PRMT3: variants seen among roughly 807,000 people sequenced by gnomAD.
PRMT3 encodes the protein protein arginine N-methyltransferase 3.
In PRMT3, 62 loss-of-function variants were observed where a neutral mutation model predicts 71.9. The ratio of observed to expected loss-of-function variants is 0.86; its 90% CI spans 0.70 to 1.07. PRMT3 has a LOEUF of 1.07. PRMT3 is among the 50% of genes least tolerant of loss of function. PRMT3 has a pLI of 0.00. For synonymous variants in PRMT3, 213 were observed against 220.4 expected (o/e 0.97, Z 0.30); for missense variants, 663 against 643.0 (o/e 1.03, Z -0.34).
At chr11:20,440,249 G>A (rs1176700790) in intron 10 of PRMT3, among the ~76,000 whole-genome samples, 8 of 152,152 alleles carry the variant, frequency 5.3e-5, no homozygotes, top group Non-Finnish European at 1.0e-4. Context: ...CCAGCAGTTT[G>A]ATTGGCTGAG....
Position 20,504,719 on chromosome 11 carries a change from A to T in PRMT3, c.1487-3585A>T, listed in dbSNP as rs938337454. ...GTGTGTGTGTGTGTGAGAGAGAGAG[A>T]GAGAGAGAGAGAGAGAGAGAGAGAG... On this transcript the variant is annotated intron_variant, in intron 15 of 15. Coordinates refer to ENST00000331079, the MANE Select transcript of PRMT3 (RefSeq NM_005788.4). 2.5e-3 allele frequency among the ~76,000 whole-genome samples: 372 copies of T among 148,728 alleles called. 1 individual carries two copies. Among genetic ancestry groups the T allele is most frequent in the African/African-American group, 5.6e-3 (227 of 40,436 alleles).
At chr11:20,407,780 C>G in intron 8 of PRMT3, 131 bp from the exon 9 acceptor site, 3 of 920,052 alleles carry the variant, frequency 3.3e-6, no homozygotes, top group Non-Finnish European at 4.7e-6. Flanking sequence ...TGAGCCACCG[C>G]GCCTGGCCAG....
chr11:20,478,677 G>C (rs1850856233), intron 13 of PRMT3, among the ~76,000 whole-genome samples: 1 of 152,018 alleles, frequency 6.6e-6, no homozygotes, highest in Admixed American at 6.6e-5. Context: ...ACTTTAAAAT[G>C]TTTACAGTTC....
intron 10 of PRMT3, 124 bp from the exon 11 acceptor site, chr11:20,452,006 T>C: frequency 1.7e-6 from 1 of 597,562 alleles, no homozygotes; most frequent in South Asian, 5.3e-5. Context: ...TGCAGAATAT[T>C]ATTACATCTG....
intron 15 of PRMT3, among the ~76,000 whole-genome samples, chr11:20,498,715 G>A (rs901982273): frequency 3.9e-5 from 6 of 152,128 alleles, no homozygotes; most frequent in Admixed American, 3.9e-4. Context: ...GGGCAACAGA[G>A]CAAGACTCTG....
At chr11:20,439,580 A>G (rs541339455) in intron 10 of PRMT3, among the ~76,000 whole-genome samples, 8 of 152,328 alleles carry the variant, frequency 5.3e-5, no homozygotes, top group South Asian at 4.1e-4. Context: ...ACCAATTTTA[A>G]TGTACATTGC....
chr11:20,472,834 A>AATCT (rs1368637931), intron 13 of PRMT3, among the ~76,000 whole-genome samples: 1 of 127,978 alleles, frequency 7.8e-6, no homozygotes, highest in African/African-American at 3.1e-5. Context: ...TTAAGCTGTG[A>AATCT]ATCTATCTGG....
chr11:20,419,579 A>G (rs925573323), intron 9 of PRMT3, among the ~76,000 whole-genome samples: 3 of 152,104 alleles, frequency 2.0e-5, no homozygotes, highest in African/African-American at 7.2e-5. Context: ...TAGGTTATAG[A>G]GGGTATATTT....
At chr11:20,427,016 T>C (rs573367292) in intron 10 of PRMT3, 151 bp downstream of exon 10, 2 of 1,189,852 alleles carry the variant, frequency 1.7e-6, no homozygotes, top group Non-Finnish European at 2.2e-6. Context: ...ATGTGTAATT[T>C]AAAAAAATAG....
At chr11:20,459,540 G>C (rs1452124210) in intron 11 of PRMT3, among the ~76,000 whole-genome samples, 1 of 152,202 alleles carries the variant, frequency 6.6e-6, no homozygotes, top group Admixed American at 6.5e-5. Flanking sequence ...GCAGAAAGCA[G>C]TAGTTTCAAC....
intron 15 of PRMT3, among the ~76,000 whole-genome samples, chr11:20,501,655 G>C (rs72936045): frequency 6.6e-6 from 1 of 152,056 alleles, no homozygotes; most frequent in South Asian, 2.1e-4. Context: ...GTGTCCAGAA[G>C]GTAATATGAC....
intron 13 of PRMT3, among the ~76,000 whole-genome samples, chr11:20,466,110 T>G (rs1850505439): frequency 6.6e-6 from 1 of 152,256 alleles, no homozygotes; most frequent in East Asian, 1.9e-4. Flanking sequence ...TAGAAAAGTT[T>G]ATTGACTTTC....
At chr11:20,453,086 A>ATT (rs1170908031) in intron 11 of PRMT3, among the ~76,000 whole-genome samples, 93 of 152,274 alleles carry the variant, frequency 6.1e-4, no homozygotes, top group African/African-American at 2.1e-3. Flanking sequence ...GTCACATGAA[A>ATT]GGGGCAGGCA....
chr11:20,389,996 C>A (rs1848678238), intron 3 of PRMT3, among the ~76,000 whole-genome samples, 170 bp downstream of exon 3: 1 of 152,058 alleles, frequency 6.6e-6, no homozygotes, highest in African/African-American at 2.4e-5. Flanking sequence ...TACTAAAATA[C>A]AAAAGTTATC....
intron 2 of PRMT3, 41 bp from the exon 3 acceptor site, chr11:20,389,703 C>T: frequency 7.2e-7 from 1 of 1,395,564 alleles, no homozygotes; most frequent in Non-Finnish European, 1.0e-6. Flanking sequence ...ATTTAGACTT[C>T]TTAGGGGACT....
intron 10 of PRMT3, among the ~76,000 whole-genome samples, chr11:20,449,903 C>T (rs1305597849): frequency 6.6e-6 from 1 of 151,922 alleles, no homozygotes; most frequent in Admixed American, 6.6e-5. Context: ...AGTCCTTGAT[C>T]TTGGAGCTGA....
At chr11:20,464,606 A>C in intron 13 of PRMT3, 60 bp downstream of exon 13, 1 of 1,591,708 alleles carries the variant, frequency 6.3e-7, no homozygotes, top group Non-Finnish European at 8.5e-7. Flanking sequence ...TTGGCAGGCT[A>C]ATGAGTTTAA....
intron 15 of PRMT3, among the ~76,000 whole-genome samples, chr11:20,494,969 C>A (rs1851299289): frequency 6.6e-6 from 1 of 152,116 alleles, no homozygotes; most frequent in African/African-American, 2.4e-5. Context: ...GTGGCTTATG[C>A]CTGTAATAAG....
chr11:20,479,824 T>C (rs1850887506), intron 13 of PRMT3, among the ~76,000 whole-genome samples: 1 of 152,160 alleles, frequency 6.6e-6, no homozygotes, highest in African/African-American at 2.4e-5. Context: ...ACCATTTCCC[T>C]CCTGGATCCA....
Sources: allele counts gnomAD v4.1 joint callset (sites outside exome capture counted in the v4.1 genomes callset), GRCh38; gene constraint gnomAD v4.1.1; transcripts MANE v1.5; gene names NCBI Gene and HGNC (gene_info 2026-07-23, HGNC 2026-07-21).